Variants in CNNM3 observed in about 807,000 individuals in gnomAD.
CNNM3 encodes the protein metal transporter CNNM3.
CNNM3 carries 47 observed loss-of-function variants against 57.1 expected under a neutral mutation model. That is an observed-to-expected ratio of 0.82 (90% CI 0.65 to 1.05). The LOEUF (loss-of-function observed/expected upper bound fraction) is 1.05. Ranked by LOEUF, CNNM3 falls within the 50% of genes least tolerant of loss-of-function variation. The probability of loss-of-function intolerance (pLI) is 0.00; values close to 1 mark genes in which losing one functional copy is unlikely to be tolerated. For synonymous variants in CNNM3, 507 were observed against 478.2 expected (o/e 1.06, Z -0.79); for missense variants, 957 against 973.7 (o/e 0.98, Z 0.23).
chr2:96,834,723 T>A lies in CNNM3; in HGVS notation c.*2107T>A, dbSNP rs1669988362. Among the ~76,000 whole-genome samples the A allele has an allele frequency of 6.6e-6, 1 of 152,192 alleles. No homozygotes were observed. The highest frequency in any genetic ancestry group is 2.1e-4 in the South Asian group (1 of 4,830). On this transcript the variant is annotated 3_prime_UTR_variant, in exon 8 of 8. Transcript: ENST00000305510. ...CTTACATATAACCTTGGTACATTTA[T>A]CAAAACTAAAGGTGCAATCATACTA...
Position 96,817,366 on chromosome 2 carries a change from C to G in CNNM3, c.1089C>G (p.Leu363=), listed in dbSNP as rs2153353190. 1.2e-6 allele frequency: 2 copies of G among 1,614,200 alleles called. No individual in the cohort carries two copies. Among genetic ancestry groups the G allele is most frequent in the East Asian group, 4.5e-5 (2 of 44,884 alleles). The stretch of plus-strand genomic sequence containing the variant: ...AGCGCTCCAACATCGTGGACATGCT[C>G]TACCTCAAGGACTTGGCCTTCGTGG... ...EEERSNIVDM[L]YLKDLAFVDP... Residue 363 remains leucine (L), a synonymous_variant, in exon 1 of 8, where the codon CTC becomes CTG. Coordinates refer to ENST00000305510, the MANE Select transcript of CNNM3 (RefSeq NM_017623.5).
chr2:96,820,917 G>A (rs1359757080), intron 1 of CNNM3, among the ~76,000 whole-genome samples: 1 of 152,160 alleles, frequency 6.6e-6, no homozygotes, highest in Non-Finnish European at 1.5e-5. Flanking sequence ...GCCAGGGTCC[G>A]GGCTGCTCCT....
Position 96,832,923 on chromosome 2 carries a change from G to T in CNNM3, c.*307G>T, listed in dbSNP as rs1267409943. On this transcript the variant is annotated 3_prime_UTR_variant, in exon 8 of 8. Coordinates refer to ENST00000305510, the MANE Select transcript of CNNM3 (RefSeq NM_017623.5). ...GCCCAGCCTTCCCCTTCTCCCCCGG[G>T]GCAGGGACAGTGCGGCATATTCAGA... is the stretch of plus-strand genomic sequence containing the variant. The T allele has an allele frequency of 7.0e-7, 1 of 1,428,034 alleles. No homozygotes were observed. Among genetic ancestry groups the T allele is most frequent in the Admixed American group, 2.1e-5 (1 of 47,596 alleles). The allele number at this position is 1,428,034 out of a possible 1,614,324, so 88.5% of individuals were successfully genotyped here.
chr2:96,837,429 TC>T (rs1430832596), downstream of CNNM3: 1 of 152,250 alleles, frequency 6.6e-6, no homozygotes, highest in Non-Finnish European at 1.5e-5. Flanking sequence ...CCGAAGTATT[TC>T]CCTTTTTCAG....
chr2:96,817,030 G>A lies in CNNM3; in HGVS notation c.753G>A (p.Leu251=). 7.3e-7 allele frequency: 1 copy of A among 1,367,128 alleles called. No individual in the cohort carries two copies. The highest frequency in any genetic ancestry group is 1.5e-5 in the South Asian group (1 of 68,044). The allele number at this position is 1,367,128 out of a possible 1,614,324, so 84.7% of individuals were successfully genotyped here. Residue 251 remains leucine (L), a synonymous_variant, in exon 1 of 8, where the codon CTG becomes CTA. Transcript: ENST00000305510. ...TGAGCGGGCGCTGGACGCTGGCGCTGGCGCCGCGAGCGCTCGGCCTCAGCC... is the reference window on the plus strand; with the variant it reads ...TGAGCGGGCGCTGGACGCTGGCGCTAGCGCCGCGAGCGCTCGGCCTCAGCC... ...AAVSGRWTLA[L]APRALGLSRL... is the part of the protein sequence containing the mutation.
rs867702975 is a variant in CNNM3 at position 96,819,444 on chromosome 2, G to T, written c.1225+1942G>T. Among the ~76,000 whole-genome samples, 6 of 152,308 alleles carry T rather than the reference G, an allele frequency of 3.9e-5. 1 individual carries two copies. The highest frequency in any genetic ancestry group is 6.5e-5 in the Admixed American group (1 of 15,300). On this transcript the variant is annotated intron_variant, in intron 1 of 7. Transcript: ENST00000305510. ...CGGGGGGAGACTCATCAAGCACTTT[G>T]GCCAGTGCCTGGCGTGCATATGCTG...
chr2:96,821,309 C>T (rs2079403100), intron 1 of CNNM3, among the ~76,000 whole-genome samples: 3 of 152,138 alleles, frequency 2.0e-5, no homozygotes, highest in South Asian at 2.1e-4. Flanking sequence ...CACTTAGGAA[C>T]AAAGGGCATA....
At chr2:96,825,993 A>T (rs2079495866) in intron 2 of CNNM3, among the ~76,000 whole-genome samples, 1 of 151,972 alleles carries the variant, frequency 6.6e-6, no homozygotes, top group African/African-American at 2.4e-5. Context: ...GGCTGTACAG[A>T]GTCTGTGCGT....
Position 96,816,601 on chromosome 2 carries a change from G to T in CNNM3, c.324G>T (p.Glu108Asp), listed in dbSNP as rs976057973. Residue 108 changes from glutamate (E) to aspartate (D), a missense_variant, in exon 1 of 8, where the codon GAG (glutamate) becomes GAT (aspartate). Glu to Asp is a conservative substitution (Grantham distance 45, BLOSUM62 2). Coordinates refer to ENST00000305510, the MANE Select transcript of CNNM3 (RefSeq NM_017623.5). ...TGCTGCGCTTGCGCCTGCGGGCCGA[G>T]GCCGTGCGCCCGCACTCGGCGCTGC... ...RALLRLRLRA[E>D]AVRPHSALLA... is the part of the protein sequence containing the mutation. 4 of 1,201,780 alleles carry T rather than the reference G, an allele frequency of 3.3e-6. No homozygotes were observed. The highest frequency in any genetic ancestry group is 4.1e-6 in the Non-Finnish European group (4 of 969,178). 74.4% of individuals were successfully genotyped at this position (1,201,780 alleles called of 1,614,324 possible).
At chr2:96,818,217 T>C (rs1479016393) in intron 1 of CNNM3, among the ~76,000 whole-genome samples, 1 of 152,140 alleles carries the variant, frequency 6.6e-6, no homozygotes, top group Non-Finnish European at 1.5e-5. Flanking sequence ...TTCGAGTAGC[T>C]GGGACTACAG....
At position 96,817,384 on chromosome 2, in the gene CNNM3, C is replaced by T. The variant is rs759697136; in HGVS notation, c.1107C>T (p.Ala369=). ...IVDMLYLKDL[A]FVDPEDCTPL... is the part of the protein sequence containing the mutation. ...ACATGCTCTACCTCAAGGACTTGGCCTTCGTGGATCCCGAAGACTGCACGC... is the reference window on the plus strand; with the variant it reads ...ACATGCTCTACCTCAAGGACTTGGCTTTCGTGGATCCCGAAGACTGCACGC... Residue 369 remains alanine (A), a synonymous_variant, in exon 1 of 8, where the codon GCC becomes GCT. Coordinates refer to ENST00000305510, the MANE Select transcript of CNNM3 (RefSeq NM_017623.5). 6 of 1,614,062 alleles carry T rather than the reference C, an allele frequency of 3.7e-6. No homozygotes were observed. In the Admixed American group the frequency reaches 6.7e-5, roughly 18 times the overall value.
In CNNM3 at chr2:96,816,525, G is replaced by GGGCGGGCTGCCGGGAGGAGGC. The variant is rs1553481321; in HGVS notation, c.252_272dup (p.Gly85_Ala91dup). The GGGCGGGCTGCCGGGAGGAGGC allele has an allele frequency of 1.5e-6, 2 of 1,376,564 alleles. No homozygotes were observed. The highest frequency in any genetic ancestry group is 9.4e-7 in the Non-Finnish European group (1 of 1,064,356). 85.3% of individuals were successfully genotyped at this position (1,376,564 alleles called of 1,614,324 possible). ...TCTTGGTCCTGGGTGGCCCCGGAGG[G>GGGCGGGCTGCCGGGAGGAGGC]GGCGGGCTGCCGGGAGGAGGCGGCC... On this transcript the variant is annotated inframe_insertion, in exon 1 of 8. Coordinates refer to ENST00000305510, the MANE Select transcript of CNNM3 (RefSeq NM_017623.5).
intron 7 of CNNM3, 38 bp from the exon 8 acceptor site, chr2:96,832,514 A>G (rs374115898): frequency 5.6e-6 from 9 of 1,613,140 alleles, no homozygotes; most frequent in Non-Finnish European, 6.8e-6. Context: ...ATACTTTACC[A>G]GCTTTGATGT....
chr2:96,817,757 C>T (rs1020785108), intron 1 of CNNM3, among the ~76,000 whole-genome samples: 6 of 151,960 alleles, frequency 3.9e-5, no homozygotes, highest in African/African-American at 1.4e-4. Context: ...ATAGCCCCCC[C>T]CCCCCATTTG....
chr2:96,836,901 T>C (rs183466523), downstream of CNNM3: 187 of 150,408 alleles, frequency 1.2e-3, 1 homozygote, highest in African/African-American at 4.6e-3. Flanking sequence ...TTTTGTATAA[T>C]GTGTAAGACT....
chr2:96,817,892 G>T (rs868341294), intron 1 of CNNM3, among the ~76,000 whole-genome samples: 1 of 152,170 alleles, frequency 6.6e-6, no homozygotes. Context: ...ACATAGAAAA[G>T]ATGGTAGTCT....
chr2:96,828,783 C>G (rs1244039816), intron 6 of CNNM3, 83 bp downstream of exon 6: 1 of 1,566,130 alleles, frequency 6.4e-7, no homozygotes, highest in Non-Finnish European at 8.7e-7. Flanking sequence ...TGAGACTGCC[C>G]GGAACAAGGC....
intron 1 of CNNM3, among the ~76,000 whole-genome samples, chr2:96,817,769 A>T (rs1456898065): frequency 6.7e-6 from 1 of 148,790 alleles, no homozygotes; most frequent in Non-Finnish European, 1.5e-5. Flanking sequence ...CCCCATTTGC[A>T]GGGAGGGGTA....
chr2:96,829,130 G>A lies in CNNM3; in HGVS notation c.2055G>A (p.Ala685=), dbSNP rs1358264042. ...TCCTTGGTGAGAAGACCACCACAGC[G>A]GCAGGTGAGTGCCAAGTGGTACATC... ...TRLLGEKTTT[A]AGSSHSRPGV... is the part of the protein sequence containing the mutation. The change falls in exon 7 of 8, where the codon GCG becomes GCA. Residue 685 remains alanine (A), a synonymous_variant. Transcript: ENST00000305510. The A allele has an allele frequency of 6.8e-6, 11 of 1,613,710 alleles. No individual in the cohort carries two copies. The highest frequency in any genetic ancestry group is 3.3e-5 in the Admixed American group (2 of 59,976).
Sources: allele counts gnomAD v4.1 joint callset (sites outside exome capture counted in the v4.1 genomes callset), GRCh38; gene constraint gnomAD v4.1.1; transcripts MANE v1.5; gene names NCBI Gene and HGNC (gene_info 2026-07-23, HGNC 2026-07-21).